The following MYCBP2 variants were observed in gnomAD, a reference collection of about 807,000 sequenced individuals.
MYCBP2 encodes MYC binding protein 2.
In MYCBP2, 120 loss-of-function variants were observed where a neutral mutation model predicts 525.3. The ratio of observed to expected loss-of-function variants is 0.23; its 90% CI spans 0.20 to 0.27. MYCBP2 has a LOEUF of 0.27. Among genes scored for constraint, MYCBP2 ranks in the 10% least tolerant of loss-of-function variants. The pLI, the probability that MYCBP2 is intolerant of heterozygous loss-of-function variation, is 1.00. For synonymous variants in MYCBP2, 1,894 were observed against 1,955.8 expected (o/e 0.97, Z 0.83); for missense variants, 4,149 against 5,657.1 (o/e 0.73, Z 8.55).
intron 36 of MYCBP2, 23 bp downstream of exon 36, chr13:77,176,474 T>C (rs767470571): frequency 3.2e-6 from 5 of 1,564,458 alleles, no homozygotes; most frequent in Admixed American, 1.8e-5. Context: ...TTATTCACAA[T>C]AGAAACATTC....
Position 77,177,972 on chromosome 13 carries a change from A to G in MYCBP2, c.5134-18T>C, listed in dbSNP as rs1342465853. 1 of 1,481,242 alleles carries G rather than the reference A, an allele frequency of 6.8e-7. No homozygotes were observed. Among genetic ancestry groups the G allele is most frequent in the African/African-American group, 1.4e-5 (1 of 72,436 alleles). 91.8% of individuals were successfully genotyped at this position (1,481,242 alleles called of 1,614,324 possible). ...CCATCAACCTGTGAACAATAAAAGC[A>G]ATTGTATCAGTAGTTGGTATACCTT... On this transcript the variant is annotated intron_variant, in intron 34 of 82. Coordinates refer to ENST00000544440, the MANE Select transcript of MYCBP2 (RefSeq NM_015057.5).
At chr13:77,308,768 A>G (rs1422117206) in intron 1 of MYCBP2, among the ~76,000 whole-genome samples, 1 of 152,252 alleles carries the variant, frequency 6.6e-6, no homozygotes, top group South Asian at 2.1e-4. Context: ...CATATTATGA[A>G]GCCAGTTACC....
At chr13:77,285,784 G>T (rs1267850799) in intron 3 of MYCBP2, among the ~76,000 whole-genome samples, 1 of 150,356 alleles carries the variant, frequency 6.7e-6, no homozygotes, top group African/African-American at 2.5e-5. Flanking sequence ...AAAACTCCGT[G>T]AAAGAAAGGA....
At chr13:77,056,098 T>C (rs1566301228) in intron 79 of MYCBP2, among the ~76,000 whole-genome samples, 1 of 108,778 alleles carries the variant, frequency 9.2e-6, no homozygotes, top group African/African-American at 3.6e-5. Context: ...GCTCTGTGTT[T>C]GGTGTGTGTG....
intron 17 of MYCBP2, among the ~76,000 whole-genome samples, chr13:77,239,500 C>T (rs148102361): frequency 6.6e-6 from 1 of 152,262 alleles, no homozygotes; most frequent in African/African-American, 2.4e-5. Context: ...GACCCTTGAC[C>T]CATAAATTCT....
At chr13:77,090,865 C>T (rs1218806637) in intron 59 of MYCBP2, among the ~76,000 whole-genome samples, 1 of 152,058 alleles carries the variant, frequency 6.6e-6, no homozygotes, top group Non-Finnish European at 1.5e-5. Context: ...AAACTAACAG[C>T]TTTTCTATTT....
chr13:77,236,233 T>G (rs900672619), intron 17 of MYCBP2, among the ~76,000 whole-genome samples: 1 of 152,178 alleles, frequency 6.6e-6, no homozygotes, highest in Non-Finnish European at 1.5e-5. Flanking sequence ...TAAATAGAAC[T>G]TGGTGATTTA....
chr13:77,139,204 G>A lies in MYCBP2; in HGVS notation c.7651C>T (p.Pro2551Ser), dbSNP rs754126142. 2.5e-6 allele frequency: 4 copies of A among 1,612,900 alleles called. No homozygotes were observed. Among genetic ancestry groups the A allele is most frequent in the Non-Finnish European group, 3.4e-6 (4 of 1,179,244 alleles). ...NQHLGKSLLV[P>S]VDESKTNTDD... ...AACCACCTTTTACTTACGTCAACAGGGACCAGAAGACTCTTGCCAAGATGT... is the reference window on the plus strand; with the variant it reads ...AACCACCTTTTACTTACGTCAACAGAGACCAGAAGACTCTTGCCAAGATGT... Residue 2551 changes from proline (P) to serine (S), a missense_variant, in exon 52 of 83, where the codon CCT becomes TCT. Around this residue, in one of 21 missense-constraint regions of MYCBP2, gnomAD observed 692 missense variants for 852.7 expected, o/e 0.81. Coordinates refer to ENST00000544440, the MANE Select transcript of MYCBP2 (RefSeq NM_015057.5).
chr13:77,237,908 C>T (rs909884591), intron 17 of MYCBP2, among the ~76,000 whole-genome samples: 2 of 152,034 alleles, frequency 1.3e-5, no homozygotes, highest in East Asian at 1.9e-4. Context: ...GGATTTGATG[C>T]GTCAAATCAA....
At chr13:77,107,056 T>C (rs1223131951) in intron 55 of MYCBP2, among the ~76,000 whole-genome samples, 3 of 152,164 alleles carry the variant, frequency 2.0e-5, no homozygotes, top group Non-Finnish European at 2.9e-5. Flanking sequence ...AAAATCTAAT[T>C]CTATAGATCT....
intron 4 of MYCBP2, among the ~76,000 whole-genome samples, chr13:77,277,856 ATAGTT>A (rs1191333295): frequency 3.3e-5 from 5 of 152,212 alleles, no homozygotes; most frequent in African/African-American, 7.2e-5. Flanking sequence ...AAAACTTTAG[ATAGTT>A]TAAAGACCCA....
chr13:77,190,317 C>T lies in MYCBP2; in HGVS notation c.4089G>A (p.Lys1363=), dbSNP rs145809048. 46 of 1,608,270 alleles carry T rather than the reference C, an allele frequency of 2.9e-5. No homozygotes were observed. The African/African-American group carries it at 6.1e-4, about 21-fold the overall frequency. Residue 1363 remains lysine (K), a synonymous_variant, in exon 29 of 83, where the codon AAG becomes AAA. Transcript: ENST00000544440. ...TTDDGVVFQF[K]SSKKSNNGTD... ...TACCATTATTTGATTTCTTTGAACT[C>T]TTGAACTGGAAAACAACCCTAAGAA...
rs1004215493 is a variant in MYCBP2 at position 77,045,314 on chromosome 13, TTCACCGCATCCTCTTG to T, written c.*48_*63del. Reference sequence around the variant, plus strand: ...TCCTTATCCTGAGCAGAGTTTAAACTTCACCGCATCCTCTTGGGGGATGAAGGCAATTTTTCTCTCT... The same window carrying T: ...TCCTTATCCTGAGCAGAGTTTAAACTGGGGATGAAGGCAATTTTTCTCTCT... On this transcript the variant is annotated 3_prime_UTR_variant, in exon 83 of 83. Coordinates refer to ENST00000544440, the MANE Select transcript of MYCBP2 (RefSeq NM_015057.5). The T allele has an allele frequency of 1.7e-6, 2 of 1,143,758 alleles. No homozygotes were observed. Among genetic ancestry groups the T allele is most frequent in the African/African-American group, 3.1e-5 (2 of 65,412 alleles). The allele number at this position is 1,143,758 out of a possible 1,614,324, so 70.9% of individuals were successfully genotyped here. A position where few individuals can be genotyped will look rare whatever the true frequency, so the allele number is the denominator to read the frequency against.
chr13:77,181,556 T>A (rs1471443783), intron 33 of MYCBP2, 145 bp downstream of exon 33: 1 of 486,352 alleles, frequency 2.1e-6, no homozygotes, highest in Non-Finnish European at 3.5e-6. Context: ...TAAATATACT[T>A]AAAAATAGAG....
At chr13:77,240,522 C>T (rs1409948871) in intron 17 of MYCBP2, among the ~76,000 whole-genome samples, 5 of 152,120 alleles carry the variant, frequency 3.3e-5, no homozygotes, top group African/African-American at 9.7e-5. Flanking sequence ...GTAGGAGAAT[C>T]GCTTGAACCT....
intron 3 of MYCBP2, among the ~76,000 whole-genome samples, chr13:77,280,380 A>T (rs1217555391): frequency 1.3e-5 from 2 of 152,240 alleles, no homozygotes; most frequent in Non-Finnish European, 2.9e-5. Context: ...AAACAAGAAC[A>T]TGCTGTCCAA....
chr13:77,115,790 C>T (rs2049640706), intron 55 of MYCBP2, among the ~76,000 whole-genome samples: 1 of 151,366 alleles, frequency 6.6e-6, no homozygotes, highest in African/African-American at 2.4e-5. Context: ...TTCTAGTTAA[C>T]CAGGATCTTG....
chr13:77,310,777 C>A (rs558187817), intron 1 of MYCBP2, among the ~76,000 whole-genome samples: 2 of 112,268 alleles, frequency 1.8e-5, no homozygotes, highest in African/African-American at 5.4e-5. Flanking sequence ...GACGTGTGTG[C>A]GTGCGCATGC....
chr13:77,078,778 ATT>A (rs991567754), intron 66 of MYCBP2, 44 bp downstream of exon 66: 2 of 1,504,648 alleles, frequency 1.3e-6, no homozygotes, highest in African/African-American at 2.7e-5. Flanking sequence ...AGAAGAAGAA[ATT>A]TCTCTCTAGG....
Sources: gnomAD v4.1 joint callset for allele counts (sites outside exome capture counted in the v4.1 genomes callset) on GRCh38, gnomAD v4.1.1 for gene constraint, gnomAD v4.1.1 regional missense constraint, MANE v1.5 for transcripts, NCBI Gene and HGNC (gene_info 2026-07-23, HGNC 2026-07-21) for gene names.